Variants in DRC3 observed in about 807,000 individuals in gnomAD.
DRC3 encodes dynein regulatory complex subunit 3.
DRC3 carries 45 observed loss-of-function variants against 57.6 expected under a neutral mutation model. The ratio of observed to expected loss-of-function variants is 0.78; its 90% CI spans 0.62 to 1.00. DRC3 has a LOEUF of 1.00. Ranked by LOEUF, DRC3 falls within the 50% of genes least tolerant of loss-of-function variation. The pLI is 0.00. For synonymous variants in DRC3, 257 were observed against 272.3 expected, an observed-to-expected ratio of 0.94 and a Z score of 0.55; for missense variants, 655 against 675.2, an observed-to-expected ratio of 0.97 and a Z score of 0.33.
rs1226394846 is a variant in DRC3, at chr17:17,983,944, G to T, written c.277G>T (p.Asp93Tyr). 1 of 1,599,068 alleles carries T rather than the reference G, an allele frequency of 6.3e-7. No individual in the cohort carries two copies. Among genetic ancestry groups the T allele is most frequent in the Non-Finnish European group, 8.6e-7 (1 of 1,167,126 alleles). The stretch of plus-strand genomic sequence containing the variant: ...GAACCTCGCACACCTGGTCTGGCTG[G>T]GTAAGGCCCTTTCCTCTGTGTGTCC... The part of the protein sequence containing the change: ...LENLAHLVWL[D>Y]LSFNNIETIE... The change falls in exon 4 of 14, where the codon GAT becomes TAT. Residue 93 changes from aspartate (D) to tyrosine (Y), a missense_variant and splice_region_variant. Transcript: ENST00000399187.
chr17:18,013,996 A>T (rs2145459476), intron 12 of DRC3, among the ~76,000 whole-genome samples: 1 of 150,046 alleles, frequency 6.7e-6, no homozygotes, highest in East Asian at 2.0e-4. Context: ...GCAGTGGTGC[A>T]ATCTTGGCTC....
chr17:17,993,959 A>C (rs2043339862), intron 6 of DRC3: 1 of 286,512 alleles, frequency 3.5e-6, no homozygotes, highest in Admixed American at 4.7e-5. Flanking sequence ...GTGAGAGAGC[A>C]AGTCCTCTGT....
intron 12 of DRC3, chr17:18,007,484 C>T: frequency 6.5e-7 from 1 of 1,547,544 alleles, no homozygotes; most frequent in Non-Finnish European, 8.7e-7. Flanking sequence ...TCTGAGATTT[C>T]CCCTGGAGGT....
chr17:18,016,309 T>G lies in DRC3; in HGVS notation c.1458+114T>G. The G allele has an allele frequency of 2.5e-6, 3 of 1,202,690 alleles. No individual in the cohort carries two copies. The South Asian group carries it at 4.1e-5, about 17-fold the overall frequency. The allele number at this position is 1,202,690 out of a possible 1,614,324, so 74.5% of individuals were successfully genotyped here. On this transcript the variant is annotated intron_variant, in intron 13 of 13. Transcript: ENST00000399187. ...TTAAGGAATGAAATGAAGGAAGAAA[T>G]AAAATTAAGGATTATAGAATTCCAC...
intron 4 of DRC3, among the ~76,000 whole-genome samples, chr17:17,984,179 T>G (rs1211522322): frequency 6.6e-6 from 1 of 152,156 alleles, no homozygotes; most frequent in Non-Finnish European, 1.5e-5. Context: ...CCACAGAATA[T>G]TCTGCTCTCA....
intron 9 of DRC3, among the ~76,000 whole-genome samples, chr17:17,999,055 T>A (rs2043580384): frequency 6.6e-6 from 1 of 152,208 alleles, no homozygotes; most frequent in African/African-American, 2.4e-5. Context: ...ATCTGGTCCC[T>A]GTAGCCACTG....
rs539996268 is a variant in DRC3, at chr17:17,980,765, C to T, written c.160+3007C>T. On this transcript the variant is annotated intron_variant, in intron 3 of 13. Transcript: ENST00000399187. ...GTACACCACCACACCCAGTGAATTT[C>T]TGTATTTTTAGTAGAGACGGGGTTT... Among the ~76,000 whole-genome samples the T allele has an allele frequency of 2.0e-3, 298 of 151,370 alleles. 1 individual carries two copies. Among genetic ancestry groups the T allele is most frequent in the African/African-American group, 6.9e-3 (284 of 41,256 alleles).
rs748461361 is a variant in DRC3 at position 18,007,013 on chromosome 17, C to G, written c.1203-11C>G. 36 of 1,612,692 alleles carry G rather than the reference C, an allele frequency of 2.2e-5. No homozygotes were observed. Among genetic ancestry groups the G allele is most frequent in the South Asian group, 4.4e-5 (4 of 91,020 alleles). On this transcript the variant is annotated splice_polypyrimidine_tract_variant and intron_variant, in intron 11 of 13. Transcript: ENST00000399187. ...GCTCCTCCCGGGCCTTTGCTTAACT[C>G]GGGGCTGCACGATGGCTCAGTGCCG...
rs2044357826 is a variant in DRC3 at position 18,016,203 on chromosome 17, A to G, written c.1458+8A>G. The G allele has an allele frequency of 6.2e-7, 1 of 1,612,616 alleles. No homozygotes were observed. The highest frequency in any genetic ancestry group is 8.5e-7 in the Non-Finnish European group (1 of 1,178,766). On this transcript the variant is annotated splice_region_variant and intron_variant, in intron 13 of 13. Coordinates refer to ENST00000399187, the MANE Select transcript of DRC3 (RefSeq NM_031294.4). ...ACACGTTTAATAGACAGGGTGAGTC[A>G]ATCCCAAGCCATCCTAGCAGGCTGG...
chr17:17,977,783 G>A (rs781071591), intron 3 of DRC3, 25 bp downstream of exon 3: 1 of 1,548,324 alleles, frequency 6.5e-7, no homozygotes, highest in South Asian at 1.2e-5. Context: ...TTCAGGGGTG[G>A]TGGCCAGGGT....
At chr17:17,979,716 G>C (rs1344470997) in intron 3 of DRC3, among the ~76,000 whole-genome samples, 1 of 152,192 alleles carries the variant, frequency 6.6e-6, no homozygotes, top group African/African-American at 2.4e-5. Flanking sequence ...ACTGCTGGGG[G>C]GCTGTCAGAT....
chr17:18,006,825 C>T, intron 11 of DRC3, 199 bp from the exon 12 acceptor site: 1 of 706,502 alleles, frequency 1.4e-6, no homozygotes, highest in Non-Finnish European at 2.2e-6. Flanking sequence ...ATGGCAGGGG[C>T]CGAGGGTCCG....
At position 17,978,762 on chromosome 17, in the gene DRC3, C is replaced by T. The variant is rs576822735; in HGVS notation, c.160+1004C>T. On this transcript the variant is annotated intron_variant, in intron 3 of 13. Transcript: ENST00000399187. ...GGGGTAAAGGGGCACAGAACAGGTG[C>T]GGCAGGAGGGGGCTTTTGCAGCTGA... Among the ~76,000 whole-genome samples, 11 of 152,210 alleles carry T rather than the reference C, an allele frequency of 7.2e-5. No homozygotes were observed. The East Asian group carries it at 9.7e-4, about 13-fold the overall frequency.
chr17:18,016,163 A>C lies in DRC3; in HGVS notation c.1426A>C (p.Ile476Leu). The C allele has an allele frequency of 6.2e-7, 1 of 1,613,986 alleles. No homozygotes were observed. Among genetic ancestry groups the C allele is most frequent in the Non-Finnish European group, 8.5e-7 (1 of 1,179,882 alleles). The change falls in exon 13 of 14, where the codon ATC (isoleucine) becomes CTC (leucine). Residue 476 changes from isoleucine to leucine, a missense_variant. Coordinates refer to ENST00000399187, the MANE Select transcript of DRC3 (RefSeq NM_031294.4). ...TCGAGAAGATGAGCTGGTGACCAGA[A>C]TCAACTCTTGGTGTACACGTTTAAT... ...DNREDELVTRINSWCTRLIDR... is the reference protein window; with the variant it reads ...DNREDELVTRLNSWCTRLIDR...
chr17:17,983,888 A>G lies in DRC3; in HGVS notation c.221A>G (p.Asn74Ser), dbSNP rs772225892. The G allele has an allele frequency of 1.2e-6, 2 of 1,613,666 alleles. No homozygotes were observed. The highest frequency in any genetic ancestry group is 1.7e-5 in the Admixed American group (1 of 60,016). ...AACTTGAGGAAGCTGCAGCTGGACA[A>G]TAACATCATTGAGAAGATCGAGGGC... Reference protein sequence around the residue: ...FENLRKLQLDNNIIEKIEGLE... With the variant: ...FENLRKLQLDSNIIEKIEGLE... The change falls in exon 4 of 14, where the codon AAT (asparagine) becomes AGT (serine). Residue 74 changes from asparagine to serine, a missense_variant. Asn to Ser is a conservative substitution (Grantham distance 46). Coordinates refer to ENST00000399187, the MANE Select transcript of DRC3 (RefSeq NM_031294.4).
intron 8 of DRC3, chr17:17,995,477 CT>C: frequency 1.9e-5 from 4 of 209,784 alleles, no homozygotes; most frequent in South Asian, 7.5e-5. Context: ...AACCACCCCA[CT>C]AGGCAGGTAC....
At position 18,016,811 on chromosome 17, in the gene DRC3, C is replaced by A; in HGVS notation, c.*140C>A. On this transcript the variant is annotated 3_prime_UTR_variant, in exon 14 of 14. Coordinates refer to ENST00000399187, the MANE Select transcript of DRC3 (RefSeq NM_031294.4). ...GATCCCCAACACCATTCTTCCCCCA[C>A]CCCTGGAAAAACTTCCAAAAGTAGA... 1 of 506,372 alleles carries A rather than the reference C, an allele frequency of 2.0e-6. No homozygotes were observed. The highest frequency in any genetic ancestry group is 3.5e-6 in the Non-Finnish European group (1 of 285,510). 31.4% of individuals were successfully genotyped at this position (506,372 alleles called of 1,614,324 possible).
chr17:18,000,528 G>A (rs972245044), intron 9 of DRC3, among the ~76,000 whole-genome samples: 23 of 152,284 alleles, frequency 1.5e-4, no homozygotes, highest in African/African-American at 4.8e-4. Flanking sequence ...CCCTGTTGAT[G>A]GACAGTTAGG....
At chr17:18,011,106 C>T (rs1257252011) in intron 12 of DRC3, among the ~76,000 whole-genome samples, 1 of 152,078 alleles carries the variant, frequency 6.6e-6, no homozygotes, top group South Asian at 2.1e-4. Flanking sequence ...TACAGGCATG[C>T]GCCACCATGC....
Sources: gnomAD v4.1 joint callset for allele counts (sites outside exome capture counted in the v4.1 genomes callset) on GRCh38, gnomAD v4.1.1 for gene constraint, MANE v1.5 for transcripts, NCBI Gene and HGNC (gene_info 2026-07-23, HGNC 2026-07-21) for gene names.